PTPRT: variants seen among roughly 807,000 people sequenced by gnomAD.
The protein encoded by PTPRT is protein tyrosine phosphatase receptor type T.
A neutral mutation model predicts 176.8 loss-of-function variants in PTPRT; 56 were observed. That is an observed-to-expected ratio of 0.32 (90% CI 0.26 to 0.40). The LOEUF (loss-of-function observed/expected upper bound fraction) is 0.40. PTPRT is among the 10% of genes least tolerant of loss of function. The probability of loss-of-function intolerance (pLI) is 1.00; values close to 1 mark genes in which losing one functional copy is unlikely to be tolerated. For synonymous variants in PTPRT, 783 were observed against 739.0 expected (o/e 1.06, Z -0.96); for missense variants, 1,540 against 1,908.2 (o/e 0.81, Z 3.60).
At position 42,084,894 on chromosome 20, in the gene PTPRT, A is replaced by T. The variant is rs552041148; in HGVS notation, c.3973-49T>A. The T allele has an allele frequency of 1.6e-4, 219 of 1,347,342 alleles. 3 individuals are homozygous for T. The South Asian group carries it at 4.0e-3, about 25-fold the overall frequency. The allele number at this position is 1,347,342 out of a possible 1,614,324, so 83.5% of individuals were successfully genotyped here. A position where few individuals can be genotyped will look rare whatever the true frequency, so the allele number is the denominator to read the frequency against. ...GCTGTTCTGCTGGGGATGCTTGCGT[A>T]CATGCACCTTGCAGATACCCCGGGG... On this transcript the variant is annotated intron_variant, in intron 28 of 30. Transcript: ENST00000373187.
intron 7 of PTPRT, among the ~76,000 whole-genome samples, chr20:42,617,204 T>G (rs1241218334): frequency 7.3e-6 from 1 of 136,308 alleles, no homozygotes; most frequent in Non-Finnish European, 1.5e-5. Flanking sequence ...AATCATGTGG[T>G]TTTTGTCTTT....
At chr20:42,692,007 A>G (rs1265825993) in intron 6 of PTPRT, among the ~76,000 whole-genome samples, 1 of 152,208 alleles carries the variant, frequency 6.6e-6, no homozygotes, top group Non-Finnish European at 1.5e-5. Flanking sequence ...CAGGGAACTC[A>G]ATGACATATA....
At chr20:43,117,358 T>A (rs1253529163) in intron 1 of PTPRT, among the ~76,000 whole-genome samples, 7 of 152,230 alleles carry the variant, frequency 4.6e-5, no homozygotes, top group African/African-American at 1.7e-4. Flanking sequence ...AGTTTGTGTA[T>A]ATTTATGGAA....
At chr20:42,728,212 A>G (rs1056121594) in intron 6 of PTPRT, among the ~76,000 whole-genome samples, 2 of 152,046 alleles carry the variant, frequency 1.3e-5, no homozygotes, top group African/African-American at 4.8e-5. Flanking sequence ...TGCCTCTCAA[A>G]TTTTTCCCAG....
chr20:42,251,977 A>G (rs2056558039), intron 13 of PTPRT, among the ~76,000 whole-genome samples: 1 of 152,178 alleles, frequency 6.6e-6, no homozygotes, highest in South Asian at 2.1e-4. Context: ...TGGTGAAATG[A>G]GTTTTGAGAC....
At chr20:43,097,076 C>T (rs926934914) in intron 1 of PTPRT, among the ~76,000 whole-genome samples, 1 of 152,222 alleles carries the variant, frequency 6.6e-6, no homozygotes, top group African/African-American at 2.4e-5. Context: ...ATTTAAGTTG[C>T]TGATGAGCGT....
At position 42,352,216 on chromosome 20, in the gene PTPRT, T is replaced by C. The variant is rs200124174; in HGVS notation, c.1630A>G (p.Lys544Glu). The part of the protein sequence containing the change: ...DLSSQRGKVF[K>E]LRNETHHLFV... ...AGGTGGTGGGTTTCATTCCGGAGCT[T>C]GAACACTTTCCCCCTCTGGCTCGAG... Residue 544 changes from lysine to glutamate, a missense_variant, in exon 10 of 31, where the codon AAG becomes GAG. Around this residue, in one of 11 missense-constraint regions of PTPRT, gnomAD observed 136 missense variants for 135.0 expected, o/e 1.01. Transcript: ENST00000373187. 51 of 1,614,056 alleles carry C rather than the reference T, an allele frequency of 3.2e-5. No individual in the cohort carries two copies. Among genetic ancestry groups the C allele is most frequent in the Non-Finnish European group, 2.1e-5 (25 of 1,180,034 alleles).
chr20:42,865,168 A>C (rs2078725403), intron 2 of PTPRT, among the ~76,000 whole-genome samples: 1 of 152,206 alleles, frequency 6.6e-6, no homozygotes, highest in African/African-American at 2.4e-5. Context: ...ACTGCTTTAT[A>C]GAACCTGTGT....
At chr20:42,273,243 T>C (rs1410246391) in intron 13 of PTPRT, among the ~76,000 whole-genome samples, 1 of 152,168 alleles carries the variant, frequency 6.6e-6, no homozygotes, top group Non-Finnish European at 1.5e-5. Context: ...GAGATGGAGT[T>C]TCACTCTTGT....
At chr20:42,815,036 G>A (rs879704353) in intron 2 of PTPRT, among the ~76,000 whole-genome samples, 1 of 152,012 alleles carries the variant, frequency 6.6e-6, no homozygotes, top group Non-Finnish European at 1.5e-5. Flanking sequence ...AAAAAAAGAT[G>A]GTCTGATATT....
chr20:42,032,114 T>C, the PTPRT span, among the ~76,000 whole-genome samples: 1 of 152,098 alleles, frequency 6.6e-6, no homozygotes, highest in African/African-American at 2.4e-5. Flanking sequence ...AGAATGCCTT[T>C]TTTTAAACTG....
intron 1 of PTPRT, among the ~76,000 whole-genome samples, chr20:42,990,534 G>C (rs1983848708): frequency 6.6e-6 from 1 of 152,104 alleles, no homozygotes; most frequent in African/African-American, 2.4e-5. Context: ...GTATATCAAG[G>C]CCACCATACA....
intron 10 of PTPRT, among the ~76,000 whole-genome samples, chr20:42,351,650 T>C (rs901299837): frequency 4.6e-5 from 7 of 151,752 alleles, no homozygotes; most frequent in Non-Finnish European, 8.8e-5. Flanking sequence ...GTGATGGCAG[T>C]CTGTAATTTT....
chr20:42,788,749 G>A (rs1181214119), intron 3 of PTPRT, among the ~76,000 whole-genome samples: 1 of 152,218 alleles, frequency 6.6e-6, no homozygotes, highest in Non-Finnish European at 1.5e-5. Flanking sequence ...AATGGAGGAT[G>A]AGAATGAGCA....
intron 3 of PTPRT, among the ~76,000 whole-genome samples, chr20:42,789,672 C>T (rs1403584635): frequency 1.3e-5 from 2 of 152,130 alleles, no homozygotes; most frequent in East Asian, 3.9e-4. Flanking sequence ...AAAGGAGTTT[C>T]AGGAAATGCA....
At chr20:42,350,246 T>TA (rs2058262431) in intron 11 of PTPRT, among the ~76,000 whole-genome samples, 1 of 144,664 alleles carries the variant, frequency 6.9e-6, no homozygotes, top group Non-Finnish European at 1.5e-5. Flanking sequence ...TTTTTTTTTT[T>TA]GAGACAGGGT....
intron 9 of PTPRT, among the ~76,000 whole-genome samples, chr20:42,391,033 T>A (rs1339275631): frequency 6.6e-6 from 1 of 152,162 alleles, no homozygotes; most frequent in South Asian, 2.1e-4. Flanking sequence ...TAATATCTAC[T>A]TTTAAGGGCC....
chr20:43,123,766 A>C (rs1372497176), intron 1 of PTPRT, among the ~76,000 whole-genome samples: 2 of 152,218 alleles, frequency 1.3e-5, no homozygotes, highest in Non-Finnish European at 2.9e-5. Context: ...ACCTACAGGC[A>C]CTATGACCCA....
At chr20:42,261,450 A>G (rs749129074) in intron 13 of PTPRT, among the ~76,000 whole-genome samples, 2 of 149,164 alleles carry the variant, frequency 1.3e-5, no homozygotes, top group African/African-American at 5.2e-5. Context: ...TTACTTCAAC[A>G]TATCCTTTTG....
Sources: gnomAD v4.1 joint callset for allele counts (sites outside exome capture counted in the v4.1 genomes callset) on GRCh38, gnomAD v4.1.1 for gene constraint, gnomAD v4.1.1 regional missense constraint, MANE v1.5 for transcripts, NCBI Gene and HGNC (gene_info 2026-07-23, HGNC 2026-07-21) for gene names.